PRDM11: variants seen among roughly 807,000 people sequenced by gnomAD.
PRDM11 encodes the protein PR domain-containing protein 11.
A neutral mutation model predicts 97.8 loss-of-function variants in PRDM11; 20 were observed. That is an observed-to-expected ratio of 0.20 (90% CI 0.14 to 0.30). The LOEUF (loss-of-function observed/expected upper bound fraction) is 0.30. Ranked by LOEUF, PRDM11 falls within the 10% of genes least tolerant of loss-of-function variation. The pLI is 1.00. For missense variants in PRDM11, 1,139 were observed against 1,555.2 expected (o/e 0.73, Z 4.50); for synonymous variants, 599 against 637.7 (o/e 0.94, Z 0.91).
intron 1 of PRDM11, chr11:45,147,567 C>T (rs1296139892): frequency 6.6e-6 from 1 of 152,654 alleles, no homozygotes; most frequent in East Asian, 1.9e-4. Flanking sequence ...CCACCCCCCA[C>T]TCGCAGTCCC....
rs992577928 is a variant in PRDM11 at position 45,224,343 on chromosome 11, G to C, written c.869G>C (p.Gly290Ala). Residue 290 changes from glycine to alanine, a missense_variant, in exon 7 of 8, where the codon GGG becomes GCG. Coordinates refer to ENST00000683152, the MANE Select transcript of PRDM11 (RefSeq NM_001384648.1). Reference protein sequence around the residue: ...KSPYKRGFDEGDVHPQAKKKK... With the variant: ...KSPYKRGFDEADVHPQAKKKK... ...CCCTACAAGCGTGGCTTTGATGAGGGGGATGTACACCCCCAAGCTAAGAAG... is the reference window on the plus strand; with the variant it reads ...CCCTACAAGCGTGGCTTTGATGAGGCGGATGTACACCCCCAAGCTAAGAAG... 4.3e-6 allele frequency: 7 copies of C among 1,614,108 alleles called. No homozygotes were observed. The highest frequency in any genetic ancestry group is 5.1e-6 in the Non-Finnish European group (6 of 1,180,024).
At chr11:45,186,867 G>A (rs1013082686) in intron 4 of PRDM11, among the ~76,000 whole-genome samples, 2 of 152,172 alleles carry the variant, frequency 1.3e-5, no homozygotes, top group Non-Finnish European at 2.9e-5. Context: ...AGTAGACCTT[G>A]GGTTCCTTCA....
chr11:45,138,492 T>C (rs746976828), intron 1 of PRDM11, among the ~76,000 whole-genome samples: 54 of 152,248 alleles, frequency 3.5e-4, no homozygotes, highest in Non-Finnish European at 7.4e-4. Context: ...CGCTTGAGCC[T>C]AAGAAGTTGA....
intron 3 of PRDM11, 89 bp downstream of exon 3, chr11:45,182,438 A>T (rs1852543389): frequency 8.3e-7 from 1 of 1,209,890 alleles, no homozygotes; most frequent in African/African-American, 1.5e-5. Context: ...TGCTACTAAG[A>T]TAGGTCCTCA....
At chr11:45,206,216 G>A (rs1363467303) in intron 5 of PRDM11, among the ~76,000 whole-genome samples, 1 of 147,420 alleles carries the variant, frequency 6.8e-6, no homozygotes, top group Non-Finnish European at 1.5e-5. Flanking sequence ...CCCCACCCCC[G>A]CTGGCCCTTC....
intron 4 of PRDM11, among the ~76,000 whole-genome samples, chr11:45,204,007 A>T (rs1292773314): frequency 1.3e-5 from 2 of 152,248 alleles, no homozygotes; most frequent in Non-Finnish European, 1.5e-5. Flanking sequence ...ATCAAGAGTA[A>T]AAGGAAAGTC....
intron 1 of PRDM11, among the ~76,000 whole-genome samples, chr11:45,102,970 C>T (rs1247065047): frequency 6.6e-6 from 1 of 152,158 alleles, no homozygotes; most frequent in Non-Finnish European, 1.5e-5. Context: ...GGACTGTTTA[C>T]CCTGGAGGGG....
intron 1 of PRDM11, among the ~76,000 whole-genome samples, chr11:45,155,430 G>C (rs894378786): frequency 6.6e-6 from 1 of 152,190 alleles, no homozygotes; most frequent in Non-Finnish European, 1.5e-5. Flanking sequence ...CATGGCCCAA[G>C]GTACAGAGAG....
chr11:45,127,682 G>C (rs528192404), intron 1 of PRDM11, among the ~76,000 whole-genome samples: 2 of 152,208 alleles, frequency 1.3e-5, no homozygotes, highest in African/African-American at 4.8e-5. Context: ...TTCATGAACC[G>C]CAAATGCTGC....
intron 1 of PRDM11, among the ~76,000 whole-genome samples, chr11:45,177,790 G>T (rs1453513479): frequency 6.6e-6 from 1 of 152,152 alleles, no homozygotes; most frequent in Non-Finnish European, 1.5e-5. Flanking sequence ...CTGCCAGGAG[G>T]CTCAGAATTG....
chr11:45,121,070 G>A (rs74323654), intron 1 of PRDM11, among the ~76,000 whole-genome samples: 11 of 152,132 alleles, frequency 7.2e-5, no homozygotes, highest in African/African-American at 2.4e-4. Context: ...AAAAATAGTC[G>A]ATAAGTCAAG....
chr11:45,138,545 G>A (rs920878410), intron 1 of PRDM11, among the ~76,000 whole-genome samples: 1 of 152,190 alleles, frequency 6.6e-6, no homozygotes, highest in Non-Finnish European at 1.5e-5. Context: ...TCCGGCTTGG[G>A]TGACAGAGCG....
At chr11:45,172,917 C>T (rs1239685197) in intron 1 of PRDM11, among the ~76,000 whole-genome samples, 3 of 152,166 alleles carry the variant, frequency 2.0e-5, no homozygotes, top group South Asian at 2.1e-4. Flanking sequence ...CTGAGGAACT[C>T]GCTTCATGCT....
At chr11:45,176,661 A>G (rs952779066) in intron 1 of PRDM11, among the ~76,000 whole-genome samples, 14 of 152,242 alleles carry the variant, frequency 9.2e-5, no homozygotes, top group Non-Finnish European at 1.8e-4. Flanking sequence ...TATGAATTCA[A>G]TAACACTTTT....
intron 1 of PRDM11, among the ~76,000 whole-genome samples, chr11:45,131,266 T>C (rs1004048885): frequency 2.0e-5 from 3 of 152,206 alleles, no homozygotes; most frequent in South Asian, 2.1e-4. Context: ...GAACAAATGA[T>C]TCCCCCATGA....
intron 5 of PRDM11, among the ~76,000 whole-genome samples, chr11:45,206,225 T>C (rs1031475990): frequency 5.3e-5 from 8 of 152,162 alleles, no homozygotes; most frequent in African/African-American, 1.9e-4. Flanking sequence ...CGCTGGCCCT[T>C]CCCGGGCTCA....
At chr11:45,137,679 G>T (rs572778305) in intron 1 of PRDM11, among the ~76,000 whole-genome samples, 2 of 152,306 alleles carry the variant, frequency 1.3e-5, no homozygotes, top group South Asian at 4.1e-4. Context: ...ACCCAGCAAG[G>T]TTACAGTGAG....
Position 45,231,233 on chromosome 11 carries a change from G to T in PRDM11, c.*3074G>T, listed in dbSNP as rs753649102. ...TCTCAGCTTGGATGCTCCCTGGGAG[G>T]CCCAGTGCTTCTGTCCTGTGAATTC... On this transcript the variant is annotated 3_prime_UTR_variant, in exon 8 of 8. Transcript: ENST00000683152. 2 of 152,150 alleles carry T rather than the reference G, an allele frequency of 1.3e-5. No individual in the cohort carries two copies. Among genetic ancestry groups the T allele is most frequent in the Non-Finnish European group, 2.9e-5 (2 of 68,056 alleles). The allele number at this position is 152,150 out of a possible 1,614,324, so 9.4% of individuals were successfully genotyped here. A position where few individuals can be genotyped will look rare whatever the true frequency, so the allele number is the denominator to read the frequency against.
At chr11:45,161,614 C>T (rs1473649542) in intron 1 of PRDM11, among the ~76,000 whole-genome samples, 5 of 152,254 alleles carry the variant, frequency 3.3e-5, no homozygotes, top group Non-Finnish European at 4.4e-5. Flanking sequence ...AGAAAGCAGT[C>T]TGGGGCCAGC....
Sources: gnomAD v4.1 joint callset for allele counts (sites outside exome capture counted in the v4.1 genomes callset) on GRCh38, gnomAD v4.1.1 for gene constraint, MANE v1.5 for transcripts, NCBI Gene and HGNC (gene_info 2026-07-23, HGNC 2026-07-21) for gene names.